Variants in RIT2 observed in about 807,000 individuals in gnomAD.
RIT2 encodes Ras like without CAAX 2, also known as GTP-binding protein Rit2.
In RIT2, 24 loss-of-function variants were observed where a neutral mutation model predicts 23.7. The observed-to-expected ratio is 1.01, with a 90% CI of 0.73 to 1.43. RIT2 has a LOEUF of 1.43. Ranked by LOEUF, RIT2 falls within the 40% of genes most tolerant of loss-of-function variation. RIT2 has a pLI of 0.00. For missense variants in RIT2, 236 were observed against 266.9 expected (o/e 0.88, Z 0.81); for synonymous variants, 107 against 91.1 (o/e 1.17, Z -0.99).
chr18:42,783,213 A>G (rs1913851414), intron 4 of RIT2, among the ~76,000 whole-genome samples: 1 of 152,132 alleles, frequency 6.6e-6, no homozygotes, highest in African/African-American at 2.4e-5. Flanking sequence ...AACCAAGGCA[A>G]AAGTGAGGAT....
chr18:42,936,580 C>T (rs1378423254), intron 3 of RIT2, among the ~76,000 whole-genome samples: 2 of 152,156 alleles, frequency 1.3e-5, no homozygotes, highest in Admixed American at 6.5e-5. Context: ...TTTCCTGACT[C>T]CTGTTCATTC....
intron 3 of RIT2, among the ~76,000 whole-genome samples, chr18:42,937,556 A>G (rs889010237): frequency 1.3e-5 from 2 of 152,140 alleles, no homozygotes; most frequent in South Asian, 4.1e-4. Flanking sequence ...TATTATTTAA[A>G]TTAAGAAAGA....
intron 4 of RIT2, among the ~76,000 whole-genome samples, chr18:42,809,920 G>A (rs1905792739): frequency 7.7e-6 from 1 of 130,116 alleles, no homozygotes; most frequent in East Asian, 2.1e-4. Flanking sequence ...TATATAATTT[G>A]TATATATGTT....
intron 4 of RIT2, among the ~76,000 whole-genome samples, chr18:42,868,805 G>A (rs990045354): frequency 3.3e-5 from 5 of 152,166 alleles, no homozygotes; most frequent in Non-Finnish European, 7.3e-5. Context: ...TATTCAAGTG[G>A]AAATTGGAAT....
At chr18:42,954,147 G>A (rs1909916131) in intron 3 of RIT2, among the ~76,000 whole-genome samples, 1 of 152,038 alleles carries the variant, frequency 6.6e-6, no homozygotes, top group Admixed American at 6.6e-5. Context: ...GGAGGCCGAG[G>A]CAGGCAGGTC....
At chr18:43,066,522 C>T (rs1426760499) in intron 1 of RIT2, among the ~76,000 whole-genome samples, 2 of 152,170 alleles carry the variant, frequency 1.3e-5, no homozygotes, top group African/African-American at 4.8e-5. Flanking sequence ...ACTAGTCTAT[C>T]AACTAGCATA....
chr18:42,842,829 T>C (rs1906804519), intron 4 of RIT2, among the ~76,000 whole-genome samples: 1 of 152,188 alleles, frequency 6.6e-6, no homozygotes, highest in African/African-American at 2.4e-5. Flanking sequence ...AAGCAGGTCC[T>C]GATGACTTCA....
At chr18:43,063,887 A>C (rs988081826) in intron 1 of RIT2, among the ~76,000 whole-genome samples, 1 of 152,182 alleles carries the variant, frequency 6.6e-6, no homozygotes, top group African/African-American at 2.4e-5. Context: ...CATAGGGAGG[A>C]GTAAGACCTC....
intron 3 of RIT2, among the ~76,000 whole-genome samples, chr18:42,943,055 A>G (rs1909641617): frequency 6.6e-6 from 1 of 152,092 alleles, no homozygotes; most frequent in Non-Finnish European, 1.5e-5. Context: ...AGCAGCAGCA[A>G]GATTTACAGT....
intron 1 of RIT2, among the ~76,000 whole-genome samples, chr18:43,040,413 A>G (rs1189564078): frequency 6.6e-6 from 1 of 152,180 alleles, no homozygotes; most frequent in Non-Finnish European, 1.5e-5. Context: ...TTTTTCACTT[A>G]TGTCAAATGC....
chr18:42,980,315 C>T (rs745937488), intron 2 of RIT2, among the ~76,000 whole-genome samples: 3 of 152,052 alleles, frequency 2.0e-5, no homozygotes, highest in Non-Finnish European at 4.4e-5. Context: ...GAATTCAGTA[C>T]AGTTTACTTA....
chr18:42,876,896 C>A (rs552187715), intron 4 of RIT2, among the ~76,000 whole-genome samples: 4 of 151,722 alleles, frequency 2.6e-5, no homozygotes, highest in Non-Finnish European at 1.5e-5. Context: ...TCAGAGATTT[C>A]GATTTTTTTA....
chr18:42,908,663 C>A (rs1037178661), intron 4 of RIT2, among the ~76,000 whole-genome samples: 3 of 151,982 alleles, frequency 2.0e-5, no homozygotes, highest in African/African-American at 7.3e-5. Context: ...GCGGTCAATC[C>A]CAAATTGTGT....
intron 4 of RIT2, among the ~76,000 whole-genome samples, chr18:42,810,136 C>G (rs1194449798): frequency 2.0e-5 from 3 of 147,966 alleles, no homozygotes; most frequent in East Asian, 4.0e-4. Flanking sequence ...TAAAAAAAAT[C>G]CCAAAATCCC....
chr18:43,060,862 G>A (rs1028089580), intron 1 of RIT2, among the ~76,000 whole-genome samples: 3 of 151,958 alleles, frequency 2.0e-5, no homozygotes, highest in East Asian at 3.9e-4. Context: ...AGATCATTCC[G>A]ACATGAGGAA....
intron 1 of RIT2, among the ~76,000 whole-genome samples, chr18:43,104,321 A>G (rs1002088700): frequency 6.6e-6 from 1 of 152,168 alleles, no homozygotes; most frequent in African/African-American, 2.4e-5. Context: ...CAGATACAAA[A>G]TCACAGCTAG....
chr18:43,090,531 A>T (rs1416793865), intron 1 of RIT2, among the ~76,000 whole-genome samples: 2 of 152,162 alleles, frequency 1.3e-5, no homozygotes, highest in Non-Finnish European at 2.9e-5. Context: ...ATATACCCAA[A>T]GGAATGTAAA....
At chr18:43,076,114 C>T (rs975235314) in intron 1 of RIT2, among the ~76,000 whole-genome samples, 1 of 152,138 alleles carries the variant, frequency 6.6e-6, no homozygotes, top group Non-Finnish European at 1.5e-5. Context: ...ATTCAATTTC[C>T]TCAGCTTTAT....
intron 2 of RIT2, among the ~76,000 whole-genome samples, chr18:42,985,410 T>C (rs1453178550): frequency 1.3e-5 from 2 of 152,134 alleles, no homozygotes; most frequent in Admixed American, 1.3e-4. Flanking sequence ...ATGCACCAAC[T>C]GATTCTAAAT....
Sources: gnomAD v4.1 joint callset for allele counts (sites outside exome capture counted in the v4.1 genomes callset) on GRCh38, gnomAD v4.1.1 for gene constraint, MANE v1.5 for transcripts, NCBI Gene and HGNC (gene_info 2026-07-23, HGNC 2026-07-21) for gene names.